IMPG2: variants seen among roughly 807,000 people sequenced by gnomAD.
IMPG2 encodes the protein interphotoreceptor matrix proteoglycan 2.
In IMPG2, 91 loss-of-function variants were observed where a neutral mutation model predicts 129.2. That is an observed-to-expected ratio of 0.70 (90% confidence interval 0.59 to 0.84). IMPG2 has a LOEUF of 0.84. Among genes scored for constraint, IMPG2 ranks in the 40% least tolerant of loss-of-function variants. The pLI is 0.00. For missense variants in IMPG2, 1,430 were observed against 1,461.7 expected (o/e 0.98, Z 0.35); for synonymous variants, 510 against 517.7 (o/e 0.99, Z 0.20).
chr3:101,285,928 T>C (rs1182253369), intron 4 of IMPG2, among the ~76,000 whole-genome samples: 1 of 152,184 alleles, frequency 6.6e-6, no homozygotes, highest in African/African-American at 2.4e-5. Context: ...ATGTTTGTCT[T>C]TCTCATTCAC....
At chr3:101,276,735 G>A in intron 4 of IMPG2, 22 bp from the exon 5 acceptor site, 4 of 1,591,078 alleles carry the variant, frequency 2.5e-6, no homozygotes, top group Non-Finnish European at 3.4e-6. Flanking sequence ...AATGTTTGCA[G>A]TTAATAAAAT....
intron 2 of IMPG2, among the ~76,000 whole-genome samples, chr3:101,306,120 C>G (rs1020554660): frequency 6.6e-6 from 1 of 152,188 alleles, no homozygotes; most frequent in Non-Finnish European, 1.5e-5. Flanking sequence ...CCTAACTATT[C>G]AAAGCTTCAA....
At chr3:101,304,112 G>C in intron 3 of IMPG2, 34 bp downstream of exon 3, 1 of 1,609,034 alleles carries the variant, frequency 6.2e-7, no homozygotes, top group Non-Finnish European at 8.5e-7. Context: ...TCCTACAATA[G>C]TCCAGGAATC....
chr3:101,280,467 A>C (rs1481573790), intron 4 of IMPG2, among the ~76,000 whole-genome samples: 2 of 152,182 alleles, frequency 1.3e-5, no homozygotes, highest in African/African-American at 4.8e-5. Flanking sequence ...GGGCCTCAAA[A>C]ACTTACCCTT....
chr3:101,230,067 C>T (rs1042767142), intron 16 of IMPG2, among the ~76,000 whole-genome samples: 1 of 152,192 alleles, frequency 6.6e-6, no homozygotes, highest in African/African-American at 2.4e-5. Flanking sequence ...TAGGACTGTT[C>T]TACACACTGC....
chr3:101,314,928 A>C (rs2058776121), intron 2 of IMPG2, among the ~76,000 whole-genome samples: 1 of 152,140 alleles, frequency 6.6e-6, no homozygotes, highest in South Asian at 2.1e-4. Flanking sequence ...CACAAGTAGC[A>C]AATTCCACAC....
chr3:101,304,412 G>T, intron 2 of IMPG2, 100 bp from the exon 3 acceptor site: 1 of 1,099,040 alleles, frequency 9.1e-7, no homozygotes. Flanking sequence ...AGACACTGAA[G>T]TGTCCTTTCT....
chr3:101,269,824 C>T (rs1181964265), intron 7 of IMPG2, among the ~76,000 whole-genome samples: 1 of 150,946 alleles, frequency 6.6e-6, no homozygotes, highest in Non-Finnish European at 1.5e-5. Flanking sequence ...TTATAAAAAG[C>T]ATACTCCTTG....
chr3:101,313,762 A>T (rs548947496), intron 2 of IMPG2, among the ~76,000 whole-genome samples: 9 of 152,224 alleles, frequency 5.9e-5, no homozygotes, highest in African/African-American at 2.2e-4. Context: ...GGCAAGAAAA[A>T]GAAATATAAG....
At chr3:101,252,832 G>A (rs1317651433) in intron 11 of IMPG2, among the ~76,000 whole-genome samples, 2 of 152,128 alleles carry the variant, frequency 1.3e-5, no homozygotes, top group Non-Finnish European at 2.9e-5. Context: ...CTCCATTAAA[G>A]TCGAGAAACA....
chr3:101,254,931 C>T (rs980830493), intron 10 of IMPG2, among the ~76,000 whole-genome samples: 1 of 151,948 alleles, frequency 6.6e-6, no homozygotes, highest in Admixed American at 6.6e-5. Context: ...GTCTCTTTCT[C>T]TCTGACTCTC....
chr3:101,234,076 T>G (rs1338395915), intron 14 of IMPG2, among the ~76,000 whole-genome samples: 1 of 151,210 alleles, frequency 6.6e-6, no homozygotes, highest in East Asian at 1.9e-4. Flanking sequence ...CTGAGTTGAA[T>G]AGTGTCCCCA....
At chr3:101,266,791 C>T (rs1373872904) in intron 9 of IMPG2, among the ~76,000 whole-genome samples, 1 of 152,120 alleles carries the variant, frequency 6.6e-6, no homozygotes. Flanking sequence ...TGCATGCCTC[C>T]CATTCCAAGT....
chr3:101,284,379 A>G lies in IMPG2; in HGVS notation c.533+7100T>C, dbSNP rs181322041. 1.9e-3 allele frequency among the ~76,000 whole-genome samples: 283 copies of G among 152,292 alleles called. 2 individuals carry two copies. The highest frequency in any genetic ancestry group is 6.8e-3 in the Middle Eastern group (2 of 294). On this transcript the variant is annotated intron_variant, in intron 4 of 18. Coordinates refer to ENST00000193391, the MANE Select transcript of IMPG2 (RefSeq NM_016247.4). The stretch of plus-strand genomic sequence containing the variant: ...ATCAAAGTAGCCAGGTAGAGGCAAA[A>G]AGAAAAAGTCTCTTGATGCCCAGTC...
At chr3:101,314,689 C>T (rs1424964731) in intron 2 of IMPG2, among the ~76,000 whole-genome samples, 1 of 152,002 alleles carries the variant, frequency 6.6e-6, no homozygotes, top group Non-Finnish European at 1.5e-5. Flanking sequence ...GTGGTTAATA[C>T]TATACCTGGT....
At position 101,246,022 on chromosome 3, in the gene IMPG2, A is replaced by T. The variant is rs764559959; in HGVS notation, c.1323T>A (p.Pro441=). ...AGAGTTCCCTGCCAGTGGCTGAGGGAGGACCAGAGCTGAAATCAAGTGGTG... is the reference window on the plus strand; with the variant it reads ...AGAGTTCCCTGCCAGTGGCTGAGGGTGGACCAGAGCTGAAATCAAGTGGTG... ...SIPPLDFSSG[P]PSATGRELWS... The change falls in exon 12 of 19, where the codon CCT becomes CCA. Residue 441 remains proline (P), a synonymous_variant. Transcript: ENST00000193391. 1.3e-5 allele frequency: 21 copies of T among 1,614,060 alleles called. No homozygotes were observed. Among genetic ancestry groups the T allele is most frequent in the Non-Finnish European group, 1.8e-5 (21 of 1,180,022 alleles).
chr3:101,300,746 T>C (rs1474266022), intron 3 of IMPG2, among the ~76,000 whole-genome samples: 1 of 152,254 alleles, frequency 6.6e-6, no homozygotes, highest in Non-Finnish European at 1.5e-5. Flanking sequence ...CATGCTGTTA[T>C]GGTTCTTTTA....
intron 7 of IMPG2, among the ~76,000 whole-genome samples, chr3:101,272,132 C>T (rs1706792556): frequency 6.6e-6 from 1 of 152,018 alleles, no homozygotes; most frequent in African/African-American, 2.4e-5. Flanking sequence ...TACACACACA[C>T]ACAGACACAC....
chr3:101,270,276 C>G (rs1043072434), intron 7 of IMPG2, among the ~76,000 whole-genome samples: 1 of 152,254 alleles, frequency 6.6e-6, no homozygotes, highest in East Asian at 1.9e-4. Flanking sequence ...AGCACACACA[C>G]TGAAAAACAG....
Sources: gnomAD v4.1 joint callset for allele counts (sites outside exome capture counted in the v4.1 genomes callset) on GRCh38, gnomAD v4.1.1 for gene constraint, MANE v1.5 for transcripts, NCBI Gene and HGNC (gene_info 2026-07-23, HGNC 2026-07-21) for gene names.